The following CTNND2 variants were observed in gnomAD, a reference collection of about 807,000 sequenced individuals.
CTNND2 encodes catenin delta 2, also known as catenin delta-2.
In CTNND2, 22 loss-of-function variants were observed where a neutral mutation model predicts 144.4. The observed-to-expected ratio is 0.15, with a 90% confidence interval of 0.11 to 0.22. CTNND2 has a LOEUF of 0.22. CTNND2 is among the 10% of genes least tolerant of loss of function. The pLI is 1.00. For synonymous variants in CTNND2, 751 were observed against 695.6 expected, an observed-to-expected ratio of 1.08 and a Z score of -1.25; for missense variants, 1,353 against 1,618.8, an observed-to-expected ratio of 0.84 and a Z score of 2.82.
chr5:11,537,550 A>T (rs1008979986), intron 3 of CTNND2, among the ~76,000 whole-genome samples: 18 of 152,188 alleles, frequency 1.2e-4, no homozygotes, highest in Non-Finnish European at 2.6e-4. Context: ...CTAATATCCT[A>T]CAGGCATAGT....
At chr5:11,781,606 C>G (rs993018814) in intron 1 of CTNND2, among the ~76,000 whole-genome samples, 1 of 152,156 alleles carries the variant, frequency 6.6e-6, no homozygotes, top group Non-Finnish European at 1.5e-5. Flanking sequence ...AAATGAAGAA[C>G]CATATATATG....
At chr5:11,316,474 A>ATTC (rs1751499913) in intron 9 of CTNND2, among the ~76,000 whole-genome samples, 1 of 39,596 alleles carries the variant, frequency 2.5e-5, no homozygotes, top group Admixed American at 2.6e-4. Flanking sequence ...ATTTTTTATT[A>ATTC]TTATTATTAT....
At chr5:11,380,664 T>G (rs1360255068) in intron 7 of CTNND2, among the ~76,000 whole-genome samples, 5 of 152,198 alleles carry the variant, frequency 3.3e-5, no homozygotes, top group Admixed American at 6.5e-5. Context: ...CTCTGTAGGT[T>G]GAATCTGAAT....
At chr5:11,474,999 T>G (rs991481336) in intron 3 of CTNND2, among the ~76,000 whole-genome samples, 3 of 152,188 alleles carry the variant, frequency 2.0e-5, no homozygotes, top group African/African-American at 7.2e-5. Context: ...TCAGCAGAAC[T>G]GTGCTGCCTC....
chr5:11,713,403 A>G (rs1453190491), intron 2 of CTNND2, among the ~76,000 whole-genome samples: 1 of 151,710 alleles, frequency 6.6e-6, no homozygotes, highest in Non-Finnish European at 1.5e-5. Context: ...ACATGGTGAA[A>G]CCCCATCTCT....
chr5:11,572,708 T>G (rs1487695285), intron 2 of CTNND2, among the ~76,000 whole-genome samples: 1 of 152,120 alleles, frequency 6.6e-6, no homozygotes, highest in Non-Finnish European at 1.5e-5. Flanking sequence ...ACAGTCCCCA[T>G]GCTTCATTCA....
chr5:11,564,004 A>T (rs1227019776), intron 3 of CTNND2, among the ~76,000 whole-genome samples: 1 of 152,178 alleles, frequency 6.6e-6, no homozygotes, highest in Non-Finnish European at 1.5e-5. Flanking sequence ...TCACTAATGA[A>T]CTCTGAGTGC....
intron 2 of CTNND2, among the ~76,000 whole-genome samples, chr5:11,642,608 C>A (rs560840832): frequency 6.6e-6 from 1 of 152,210 alleles, no homozygotes; most frequent in South Asian, 2.1e-4. Context: ...GAGATGAGGG[C>A]CAAGAGGTGA....
At chr5:11,406,391 G>A (rs1761108106) in intron 5 of CTNND2, among the ~76,000 whole-genome samples, 1 of 151,994 alleles carries the variant, frequency 6.6e-6, no homozygotes, top group Admixed American at 6.6e-5. Context: ...CTTTTTCCCT[G>A]ACCATGACTT....
At chr5:11,179,108 C>T (rs763092176) in intron 11 of CTNND2, among the ~76,000 whole-genome samples, 10 of 151,774 alleles carry the variant, frequency 6.6e-5, no homozygotes, top group Non-Finnish European at 1.3e-4. Flanking sequence ...AGGCAAATCA[C>T]ATGGGCCTTT....
rs561166615 is a variant in CTNND2 at position 11,346,553 on chromosome 5, C to T, written c.1447G>A (p.Ala483Thr). The T allele has an allele frequency of 1.4e-5, 23 of 1,603,444 alleles. No homozygotes were observed. Among genetic ancestry groups the T allele is most frequent in the South Asian group, 9.0e-5 (8 of 89,168 alleles). ...TAGCTGGCCCTCTGGAAGGTGGCCG[C>T]GGCGGCATTCTGTGGGCCGTGCTGG... ...GSQHGPQNAA[A>T]ATFQRASYAA... Residue 483 changes from alanine to threonine, a missense_variant, in exon 9 of 22, where the codon GCG becomes ACG. Transcript: ENST00000304623.
intron 16 of CTNND2, among the ~76,000 whole-genome samples, chr5:11,040,332 C>T (rs1744574276): frequency 6.6e-6 from 1 of 152,122 alleles, no homozygotes; most frequent in Admixed American, 6.6e-5. Flanking sequence ...AGCAGTTAGT[C>T]TGAGAAAATG....
At chr5:11,553,579 T>C (rs1315983422) in intron 3 of CTNND2, among the ~76,000 whole-genome samples, 1 of 152,146 alleles carries the variant, frequency 6.6e-6, no homozygotes, top group African/African-American at 2.4e-5. Flanking sequence ...AAATAAAAGA[T>C]AAATTATGAC....
intron 6 of CTNND2, among the ~76,000 whole-genome samples, chr5:11,392,185 A>G (rs1360858310): frequency 6.6e-6 from 1 of 152,218 alleles, no homozygotes; most frequent in Non-Finnish European, 1.5e-5. Context: ...AAGTGCAAAC[A>G]TGGTGACGTA....
intron 12 of CTNND2, among the ~76,000 whole-genome samples, chr5:11,125,091 T>A (rs1302433462): frequency 6.6e-6 from 1 of 152,202 alleles, no homozygotes; most frequent in African/African-American, 2.4e-5. Context: ...AGCCCATCCT[T>A]TTCTTCCGTG....
At chr5:11,752,265 A>G (rs1009556622) in intron 1 of CTNND2, among the ~76,000 whole-genome samples, 1 of 151,886 alleles carries the variant, frequency 6.6e-6, no homozygotes, top group Admixed American at 6.6e-5. Flanking sequence ...CTCCATCATG[A>G]AATCTTTACC....
Position 11,411,662 on chromosome 5 carries a change from A to G in CTNND2, c.323-10T>C, listed in dbSNP as rs1561353824. On this transcript the variant is annotated splice_polypyrimidine_tract_variant and intron_variant, in intron 4 of 21. Transcript: ENST00000304623. ...ATATCTTTTTGACCATCTGAAATGA[A>G]ATATTTTAAAGTGATGAACAAACAC... The G allele has an allele frequency of 1.3e-6, 2 of 1,518,694 alleles. No individual in the cohort carries two copies. The highest frequency in any genetic ancestry group is 1.8e-6 in the Non-Finnish European group (2 of 1,098,254). The allele number at this position is 1,518,694 out of a possible 1,614,324, so 94.1% of individuals were successfully genotyped here.
At chr5:11,842,745 T>G (rs1794537628) in intron 1 of CTNND2, among the ~76,000 whole-genome samples, 1 of 150,740 alleles carries the variant, frequency 6.6e-6, no homozygotes, top group South Asian at 2.1e-4. Context: ...GTAAACTGTC[T>G]CTTTTATAAT....
intron 18 of CTNND2, among the ~76,000 whole-genome samples, chr5:11,001,071 G>A (rs1739907639): frequency 6.6e-6 from 1 of 152,146 alleles, no homozygotes; most frequent in Non-Finnish European, 1.5e-5. Context: ...CAAAATCTCA[G>A]GCCAGAGAGG....
Sources: gnomAD v4.1 joint callset for allele counts (sites outside exome capture counted in the v4.1 genomes callset) on GRCh38, gnomAD v4.1.1 for gene constraint, MANE v1.5 for transcripts, NCBI Gene and HGNC (gene_info 2026-07-23, HGNC 2026-07-21) for gene names.